Variants in ZNF91 observed in about 807,000 individuals in gnomAD.
ZNF91 encodes the protein zinc finger protein 91 (HPF7, HTF10).
ZNF91 carries 7 observed loss-of-function variants against 12.6 expected under a neutral mutation model. The ratio of observed to expected loss-of-function variants is 0.55; its 90% CI spans 0.31 to 1.04. The LOEUF (loss-of-function observed/expected upper bound fraction) is 1.04, where lower values mean the gene tolerates loss of function less well. Ranked by LOEUF, ZNF91 falls within the 50% of genes least tolerant of loss-of-function variation. The pLI is 0.05. For missense variants in ZNF91, 1,217 were observed against 1,385.4 expected, an observed-to-expected ratio of 0.88 and a Z score of 1.93; for synonymous variants, 453 against 462.6, an observed-to-expected ratio of 0.98 and a Z score of 0.27.
chr19:23,385,859 G>A (rs8103030), intron 1 of ZNF91, among the ~76,000 whole-genome samples: 28,567 of 151,832 alleles, frequency 0.19, 2,883 homozygotes, highest in Non-Finnish European at 0.21. Flanking sequence ...TATCTACATT[G>A]CAAAATTTTA....
chr19:23,379,345 A>G (rs1969615124), intron 1 of ZNF91, among the ~76,000 whole-genome samples: 1 of 152,192 alleles, frequency 6.6e-6, no homozygotes, highest in Non-Finnish European at 1.5e-5. Context: ...TGTTTATATT[A>G]TGTCTGGTAA....
At chr19:23,387,897 G>A (rs1015392047) in intron 1 of ZNF91, among the ~76,000 whole-genome samples, 1 of 140,570 alleles carries the variant, frequency 7.1e-6, no homozygotes, top group Admixed American at 7.5e-5. Flanking sequence ...GAGCTGAGAT[G>A]GCACTATTGC....
intron 3 of ZNF91, among the ~76,000 whole-genome samples, chr19:23,369,369 CCCCGT>C (rs1196995626): frequency 6.6e-6 from 1 of 151,578 alleles, no homozygotes; most frequent in Non-Finnish European, 1.5e-5. Context: ...CGGCCAGCCG[CCCCGT>C]CCGGGAGGGA....
chr19:23,381,486 A>G (rs1969713822), intron 1 of ZNF91, among the ~76,000 whole-genome samples: 1 of 140,056 alleles, frequency 7.1e-6, no homozygotes, highest in Admixed American at 7.3e-5. Flanking sequence ...TTTGAGACTG[A>G]GTTTTGCTCT....
intron 1 of ZNF91, among the ~76,000 whole-genome samples, chr19:23,386,422 A>G (rs1406060842): frequency 1.3e-5 from 2 of 152,232 alleles, no homozygotes; most frequent in Non-Finnish European, 2.9e-5. Flanking sequence ...CTGCAAAGCT[A>G]CAGTAAACAA....
chr19:23,308,969 T>C (rs961159842), exon 2 of ZNF91: 1 of 152,112 alleles, frequency 6.6e-6, no homozygotes, highest in East Asian at 1.9e-4. Flanking sequence ...CTGCAGACAT[T>C]GTGATATATT....
intron 3 of ZNF91, among the ~76,000 whole-genome samples, chr19:23,341,562 G>C (rs981145857): frequency 1.3e-5 from 2 of 151,844 alleles, no homozygotes; most frequent in African/African-American, 4.8e-5. Context: ...ACTAAAAAAT[G>C]GTTGAAAGAG....
chr19:23,344,209 C>A (rs1273410537), intron 3 of ZNF91, among the ~76,000 whole-genome samples: 1 of 152,110 alleles, frequency 6.6e-6, no homozygotes, highest in Non-Finnish European at 1.5e-5. Context: ...ATTGTTCTAC[C>A]TCAGCCTCCC....
At chr19:23,392,339 T>G (rs534641636) in intron 1 of ZNF91, among the ~76,000 whole-genome samples, 1 of 141,790 alleles carries the variant, frequency 7.1e-6, no homozygotes, top group African/African-American at 2.7e-5. Flanking sequence ...GAGGTTGCAG[T>G]GAGTTGAGAT....
At chr19:23,351,131 G>T (rs754618705) in intron 3 of ZNF91, among the ~76,000 whole-genome samples, 5 of 152,092 alleles carry the variant, frequency 3.3e-5, no homozygotes, top group Non-Finnish European at 7.4e-5. Flanking sequence ...TTTGAGACCA[G>T]CCTGGCCAAC....
downstream of ZNF91, chr19:23,337,684 G>A (rs1265541469): frequency 6.6e-6 from 1 of 151,802 alleles, no homozygotes; most frequent in African/African-American, 2.4e-5. Flanking sequence ...ACTTTAAAAA[G>A]ACTTCAAAAT....
At chr19:23,353,239 T>C (rs536882137), downstream of ZNF91, among the ~76,000 whole-genome samples, 6 of 152,038 alleles carry the variant, frequency 3.9e-5, no homozygotes, top group East Asian at 9.7e-4. Context: ...TTTAAGAAAA[T>C]TGAAATTATA....
chr19:23,309,426 A>G (rs1319505754), intron 1 of ZNF91, among the ~76,000 whole-genome samples: 1 of 152,146 alleles, frequency 6.6e-6, no homozygotes, highest in Non-Finnish European at 1.5e-5. Context: ...ACAGTGTGAC[A>G]TATCATTGAG....
intron 3 of ZNF91, among the ~76,000 whole-genome samples, chr19:23,371,089 C>A (rs914836091): frequency 5.9e-5 from 9 of 152,002 alleles, no homozygotes; most frequent in Non-Finnish European, 1.3e-4. Context: ...ACCTGTAATC[C>A]CAGCACTTTG....
Position 23,360,117 on chromosome 19 carries a change from A to G in ZNF91, c.2862T>C (p.Thr954=). 1.2e-6 allele frequency: 2 copies of G among 1,613,578 alleles called. No homozygotes were observed. Among genetic ancestry groups the G allele is most frequent in the South Asian group, 2.2e-5 (2 of 91,076 alleles). The change falls in exon 4 of 4, where the codon ACT becomes ACC. Residue 954 remains threonine, a synonymous_variant. Coordinates refer to ENST00000300619, the MANE Select transcript of ZNF91 (RefSeq NM_003430.4). ...GKAFSQSSTL[T]THKIIHTGEK... ...CTCCAGTATGAATTATCTTATGTGTAGTAAGGGTTGAGGATTGGCTAAAAG... is the reference window on the plus strand; with the variant it reads ...CTCCAGTATGAATTATCTTATGTGTGGTAAGGGTTGAGGATTGGCTAAAAG...
chr19:23,380,066 T>G (rs1341307633), intron 1 of ZNF91, among the ~76,000 whole-genome samples: 1 of 151,530 alleles, frequency 6.6e-6, no homozygotes, highest in African/African-American at 2.4e-5. Context: ...AGCAGCCTGG[T>G]CAACATAGTG....
chr19:23,375,425 C>T (rs1041362120), intron 1 of ZNF91, among the ~76,000 whole-genome samples: 3 of 152,092 alleles, frequency 2.0e-5, no homozygotes, highest in African/African-American at 7.2e-5. Context: ...TCCCAAAGTG[C>T]TGGGATTACA....
chr19:23,374,806 T>A, intron 1 of ZNF91, 42 bp from the exon 2 acceptor site: 2 of 1,594,912 alleles, frequency 1.3e-6, no homozygotes, highest in Non-Finnish European at 8.5e-7. Context: ...AAAGTGGCTA[T>A]GGGCAGAATT....
upstream of ZNF91, among the ~76,000 whole-genome samples, chr19:23,312,844 C>T (rs553256769): frequency 2.8e-4 from 42 of 152,290 alleles, no homozygotes; most frequent in African/African-American, 9.1e-4. Context: ...CTCACCAAGT[C>T]GACAGAAAAG....
Sources: gnomAD v4.1 joint callset for allele counts (sites outside exome capture counted in the v4.1 genomes callset) on GRCh38, gnomAD v4.1.1 for gene constraint, MANE v1.5 for transcripts, NCBI Gene and HGNC (gene_info 2026-07-23, HGNC 2026-07-21) for gene names.